Variants in ITPKA observed in about 807,000 individuals in gnomAD.
ITPKA encodes inositol-trisphosphate 3-kinase A, also known as IP3 3-kinase A.
In ITPKA, 16 loss-of-function variants were observed where a neutral mutation model predicts 40.7. That is an observed-to-expected ratio of 0.39 (90% CI 0.27 to 0.60). ITPKA has a LOEUF of 0.60. Among genes scored for constraint, ITPKA ranks in the 20% least tolerant of loss-of-function variants. The probability of loss-of-function intolerance (pLI) is 0.50; values close to 1 mark genes in which losing one functional copy is unlikely to be tolerated. For synonymous variants in ITPKA, 313 were observed against 289.9 expected (o/e 1.08, Z -0.81); for missense variants, 540 against 649.3 (o/e 0.83, Z 1.83).
rs746773192 is a variant in ITPKA at position 41,494,440 on chromosome 15, A to C, written c.489+24A>C. ...AGGTACGGGCCGCGGGGGCGGGGCCAGCGCCGGGCGCGGGGGCTGCACGGG... is the reference window on the plus strand; with the variant it reads ...AGGTACGGGCCGCGGGGGCGGGGCCCGCGCCGGGCGCGGGGGCTGCACGGG... On this transcript the variant is annotated intron_variant, in intron 1 of 6. Coordinates refer to ENST00000260386, the MANE Select transcript of ITPKA (RefSeq NM_002220.3). The surrounding 1 kb of genome is among the most constrained non-coding windows in gnomAD (Gnocchi z 7.8). 2 of 1,383,636 alleles carry C rather than the reference A, an allele frequency of 1.4e-6. No homozygotes were observed. The highest frequency in any genetic ancestry group is 3.1e-5 in the South Asian group (2 of 64,134). The allele number at this position is 1,383,636 out of a possible 1,614,324, so 85.7% of individuals were successfully genotyped here.
chr15:41,503,092 G>A lies in ITPKA; in HGVS notation c.1312G>A (p.Gly438Ser). Reference sequence around the variant, plus strand: ...GGACCACCGGCGGCCCTGGGAGGAGGGCAACCGCGAGGACGGCTATTTGCT... The same window carrying A: ...GGACCACCGGCGGCCCTGGGAGGAGAGCAACCGCGAGGACGGCTATTTGCT... ...ILDHRRPWEE[G>S]NREDGYLLGL... The change falls in exon 7 of 7, where the codon GGC becomes AGC. Residue 438 changes from glycine to serine, a missense_variant. Transcript: ENST00000260386. 6.9e-6 allele frequency: 11 copies of A among 1,605,568 alleles called. No individual in the cohort carries two copies. Among genetic ancestry groups the A allele is most frequent in the Non-Finnish European group, 9.4e-6 (11 of 1,173,352 alleles).
chr15:41,499,195 G>A (rs2051093763), intron 1 of ITPKA, among the ~76,000 whole-genome samples: 2 of 152,130 alleles, frequency 1.3e-5, no homozygotes, highest in African/African-American at 4.8e-5. Context: ...TGCAAACCTG[G>A]TGTGTATTTA....
rs372904283 is a variant in ITPKA at position 41,501,718 on chromosome 15, G to T, written c.670G>T (p.Ala224Ser). 6.2e-7 allele frequency: 1 copy of T among 1,611,156 alleles called. No homozygotes were observed. Among genetic ancestry groups the T allele is most frequent in the African/African-American group, 1.3e-5 (1 of 74,912 alleles). ...GCGCTACTGCCTGGCGCGGCTGATG[G>T]CTGACGCGCTGCGCGGCTGCGTGCC... ...PERYCLARLM[A>S]DALRGCVPAF... The change falls in exon 3 of 7, where the codon GCT (alanine) becomes TCT (serine). Residue 224 changes from alanine to serine, a missense_variant. Ala to Ser is a moderately conservative substitution (Grantham distance 99). Transcript: ENST00000260386.
intron 5 of ITPKA, 59 bp from the exon 6 acceptor site, chr15:41,502,729 G>A (rs1595451141): frequency 1.4e-6 from 2 of 1,463,592 alleles, no homozygotes; most frequent in Non-Finnish European, 9.3e-7. Context: ...CTCATCGTTA[G>A]CAGGGGCTCA....
intron 4 of ITPKA, 22 bp from the exon 5 acceptor site, chr15:41,502,380 G>A (rs1486185732): frequency 1.3e-6 from 2 of 1,556,454 alleles, no homozygotes; most frequent in East Asian, 2.3e-5. Flanking sequence ...CGGGGCCCCT[G>A]ACACTCCTGT....
chr15:41,496,289 G>A (rs1426023394), intron 1 of ITPKA, among the ~76,000 whole-genome samples: 2 of 152,210 alleles, frequency 1.3e-5, no homozygotes, highest in Non-Finnish European at 2.9e-5. Flanking sequence ...CACGTGGGCC[G>A]GACTCTAGGA....
rs2051123978 is a variant in ITPKA at position 41,502,518 on chromosome 15, C to T, written c.1110+15C>T. The T allele has an allele frequency of 6.8e-7, 1 of 1,473,194 alleles. No homozygotes were observed. The highest frequency in any genetic ancestry group is 1.7e-5 in the Admixed American group (1 of 59,488). 91.3% of individuals were successfully genotyped at this position (1,473,194 alleles called of 1,614,324 possible). A position where few individuals can be genotyped will look rare whatever the true frequency, so the allele number is the denominator to read the frequency against. The stretch of plus-strand genomic sequence containing the variant: ...AGGAAGTGCTGGTGAGAGCGGGATC[C>T]CAAACCCTGAGGTGTTGGGGAGCCT... On this transcript the variant is annotated intron_variant, in intron 5 of 6. Transcript: ENST00000260386.
At chr15:41,501,240 C>T in intron 1 of ITPKA, 1 of 857,056 alleles carries the variant, frequency 1.2e-6, no homozygotes, top group Non-Finnish European at 1.4e-6. Context: ...AGGCTCTTGA[C>T]AGCTCACTGG....
chr15:41,501,365 C>A (rs918691875), intron 1 of ITPKA, 98 bp from the exon 2 acceptor site: 2 of 1,511,936 alleles, frequency 1.3e-6, no homozygotes, highest in African/African-American at 1.4e-5. Context: ...CAGCTGCTTC[C>A]GGTGGGTCGG....
chr15:41,502,095 C>T lies in ITPKA; in HGVS notation c.902C>T (p.Thr301Met), dbSNP rs752327452. 8.7e-6 allele frequency: 14 copies of T among 1,612,544 alleles called. No homozygotes were observed. Among genetic ancestry groups the T allele is most frequent in the African/African-American group, 1.3e-5 (1 of 74,930 alleles). The change falls in exon 4 of 7, where the codon ACG (threonine) becomes ATG (methionine). Residue 301 changes from threonine to methionine, a missense_variant. Physicochemically the swap from Thr to Met is moderately conservative, Grantham distance 81. Coordinates refer to ENST00000260386, the MANE Select transcript of ITPKA (RefSeq NM_002220.3). ...KMLAVDPEAP[T>M]EEEHAQRAVT... The stretch of plus-strand genomic sequence containing the variant: ...CTGGCGGTGGATCCTGAAGCTCCCA[C>T]GGAGGAGGAGCACGCGCAGCGCGCC...
rs1261134098 is a variant in ITPKA at position 41,494,286 on chromosome 15, T to G, written c.359T>G (p.Leu120Arg). ...GSSHLQQPRR[L>R]STSSVSSTGS... Reference sequence around the variant, plus strand: ...TCGCACCTGCAGCAGCCGCGCCGCCTTTCCACCTCGTCGGTCTCCTCCACT... The same window carrying G: ...TCGCACCTGCAGCAGCCGCGCCGCCGTTCCACCTCGTCGGTCTCCTCCACT... Residue 120 changes from leucine to arginine, a missense_variant, in exon 1 of 7, where the codon CTT becomes CGT. Coordinates refer to ENST00000260386, the MANE Select transcript of ITPKA (RefSeq NM_002220.3). The surrounding 1 kb of genome is among the most constrained non-coding windows in gnomAD (Gnocchi z 7.8). The G allele has an allele frequency of 6.5e-7, 1 of 1,548,394 alleles. No individual in the cohort carries two copies. The highest frequency in any genetic ancestry group is 2.4e-5 in the East Asian group (1 of 41,510).
intron 1 of ITPKA, among the ~76,000 whole-genome samples, chr15:41,497,163 C>T (rs1344164503): frequency 1.3e-5 from 2 of 152,168 alleles, no homozygotes; most frequent in East Asian, 3.8e-4. Context: ...GAGGAATTAT[C>T]AGAGGGCCCT....
At chr15:41,501,008 GAAAAAAAAAA>G (rs11366854) in intron 1 of ITPKA, among the ~76,000 whole-genome samples, 2 of 58,180 alleles carry the variant, frequency 3.4e-5, no homozygotes, top group Non-Finnish European at 6.1e-5. Context: ...GACTCCATCT[GAAAAAAAAAA>G]AAAAAAAAAA....
rs775636995 is a variant in ITPKA at position 41,502,029 on chromosome 15, G to T, written c.836G>T (p.Arg279Leu). Residue 279 changes from arginine to leucine, a missense_variant, in exon 4 of 7, where the codon CGT becomes CTT. Coordinates refer to ENST00000260386, the MANE Select transcript of ITPKA (RefSeq NM_002220.3). ...TYLEEELTKA[R>L]ERPKLRKDMY... is the part of the protein sequence containing the mutation. ...CTAGAGGAGGAGCTGACCAAGGCCC[G>T]TGAGCGGCCCAAGCTGCGGAAGGAC... The T allele has an allele frequency of 6.2e-7, 1 of 1,613,366 alleles. No individual in the cohort carries two copies. Among genetic ancestry groups the T allele is most frequent in the South Asian group, 1.1e-5 (1 of 91,072 alleles).
At chr15:41,502,376 C>T in intron 4 of ITPKA, 26 bp from the exon 5 acceptor site, 1 of 1,536,286 alleles carries the variant, frequency 6.5e-7, no homozygotes, top group Non-Finnish European at 9.0e-7. Flanking sequence ...GGCCCGGGGC[C>T]CCTGACACTC....
intron 6 of ITPKA, 30 bp downstream of exon 6, chr15:41,502,889 C>G (rs766086975): frequency 1.2e-6 from 2 of 1,609,022 alleles, no homozygotes. Flanking sequence ...GTGCCCGGGC[C>G]GCGAGGGCTA....
Position 41,502,291 on chromosome 15 carries a change from C to T in ITPKA, c.1008+90C>T, listed in dbSNP as rs958822447. ...CGCTCCCGCCCCGCCTGCCCCTCCGCCCTCTCCCACCGCCTCGCCGTCCCC... is the reference window on the plus strand; with the variant it reads ...CGCTCCCGCCCCGCCTGCCCCTCCGTCCTCTCCCACCGCCTCGCCGTCCCC... On this transcript the variant is annotated intron_variant, in intron 4 of 6. Coordinates refer to ENST00000260386, the MANE Select transcript of ITPKA (RefSeq NM_002220.3). The T allele has an allele frequency of 2.4e-4, 314 of 1,299,538 alleles. 1 individual carries two copies. Among genetic ancestry groups the T allele is most frequent in the Non-Finnish European group, 1.9e-4 (173 of 928,890 alleles). The allele number at this position is 1,299,538 out of a possible 1,614,324, so 80.5% of individuals were successfully genotyped here.
chr15:41,494,269 G>C lies in ITPKA; in HGVS notation c.342G>C (p.Leu114=). The part of the protein sequence containing the change: ...DCLPAAGSSH[L]QQPRRLSTSS... ...TCCCGGCAGCGGGCTCTTCGCACCT[G>C]CAGCAGCCGCGCCGCCTTTCCACCT... is the stretch of plus-strand genomic sequence containing the variant. Residue 114 remains leucine (L), a synonymous_variant, in exon 1 of 7, where the codon CTG becomes CTC. Transcript: ENST00000260386. This position sits in a 1 kb window ranked among gnomAD's most constrained non-coding sequence, Gnocchi z 7.8. 2 of 1,547,472 alleles carry C rather than the reference G, an allele frequency of 1.3e-6. No homozygotes were observed. The highest frequency in any genetic ancestry group is 1.2e-5 in the South Asian group (1 of 83,684).
intron 1 of ITPKA, chr15:41,501,172 C>T (rs145128001): frequency 4.5e-6 from 1 of 222,986 alleles, no homozygotes; most frequent in Admixed American, 6.5e-5. Flanking sequence ...GTAACCTGCC[C>T]ACGCGTTCTT....
Sources: allele counts gnomAD v4.1 joint callset (sites outside exome capture counted in the v4.1 genomes callset), GRCh38; gene constraint gnomAD v4.1.1; non-coding constraint Gnocchi (gnomAD v3.1); transcripts MANE v1.5; gene names NCBI Gene and HGNC (gene_info 2026-07-23, HGNC 2026-07-21).